TOM1: variants seen among roughly 807,000 people sequenced by gnomAD.
TOM1 encodes the protein target of myb1 membrane trafficking protein.
TOM1 carries 38 observed loss-of-function variants against 61.3 expected under a neutral mutation model. The observed-to-expected ratio is 0.62, with a 90% CI of 0.48 to 0.81. TOM1 has a LOEUF of 0.81. Among genes scored for constraint, TOM1 ranks in the 40% least tolerant of loss-of-function variants. The probability of loss-of-function intolerance (pLI) is 0.00; values close to 1 mark genes in which losing one functional copy is unlikely to be tolerated. For missense variants in TOM1, 591 were observed against 659.6 expected (o/e 0.90, Z 1.14); for synonymous variants, 270 against 268.8 (o/e 1.00, Z -0.04).
At chr22:35,308,843 C>T (rs755368477) in intron 1 of TOM1, among the ~76,000 whole-genome samples, 15 of 152,090 alleles carry the variant, frequency 9.9e-5, no homozygotes, top group Admixed American at 2.6e-4. Flanking sequence ...TTGTGGGTTG[C>T]GGAAGCAATA....
chr22:35,322,610 C>T (rs1170634225), intron 3 of TOM1: 2 of 193,864 alleles, frequency 1.0e-5, no homozygotes, highest in Non-Finnish European at 2.1e-5. Flanking sequence ...AAAGGCAATT[C>T]CTGCAGTGGG....
At chr22:35,308,658 C>G (rs1002279802) in intron 1 of TOM1, among the ~76,000 whole-genome samples, 6 of 152,122 alleles carry the variant, frequency 3.9e-5, no homozygotes, top group African/African-American at 1.4e-4. Flanking sequence ...TCAGCAATAC[C>G]TTTTACACTC....
chr22:35,344,760 T>C (rs1257512746), intron 12 of TOM1: 2 of 152,202 alleles, frequency 1.3e-5, no homozygotes, highest in African/African-American at 2.4e-5. Context: ...ATTAGTGCCA[T>C]TACTGATTAA....
intron 2 of TOM1, chr22:35,318,172 C>G (rs1927472551): frequency 1.7e-6 from 1 of 573,332 alleles, no homozygotes; most frequent in Non-Finnish European, 3.1e-6. Flanking sequence ...CTGGGGGCTG[C>G]CACCCCACCC....
At chr22:35,313,341 T>C (rs1927000863) in intron 1 of TOM1, among the ~76,000 whole-genome samples, 1 of 148,658 alleles carries the variant, frequency 6.7e-6, no homozygotes. Context: ...AACGAGACTG[T>C]CTCAAAAAAA....
chr22:35,314,456 C>T (rs1214328335), intron 1 of TOM1, among the ~76,000 whole-genome samples: 2 of 152,006 alleles, frequency 1.3e-5, no homozygotes, highest in African/African-American at 2.4e-5. Flanking sequence ...GGGGTGGGGG[C>T]GGGGGGTCCT....
At chr22:35,326,703 G>C (rs1424540420) in intron 6 of TOM1, among the ~76,000 whole-genome samples, 1 of 152,050 alleles carries the variant, frequency 6.6e-6, no homozygotes, top group Non-Finnish European at 1.5e-5. Flanking sequence ...CGGAATCCCA[G>C]TCCTCTAGGA....
At chr22:35,305,715 G>A (rs1041390802) in intron 1 of TOM1, among the ~76,000 whole-genome samples, 1 of 151,998 alleles carries the variant, frequency 6.6e-6, no homozygotes, top group Non-Finnish European at 1.5e-5. Context: ...TGAATGTGCA[G>A]GGCTCCAAGG....
chr22:35,340,984 C>T (rs1569039398), intron 12 of TOM1, among the ~76,000 whole-genome samples: 2 of 152,144 alleles, frequency 1.3e-5, no homozygotes, highest in Non-Finnish European at 1.5e-5. Context: ...AATCCAGTAC[C>T]TCCCATGTGT....
rs1930619167 is a variant in TOM1 at position 35,347,571 on chromosome 22, G to A, written c.*362G>A. The A allele has an allele frequency of 5.7e-6, 1 of 174,924 alleles. No individual in the cohort carries two copies. The highest frequency in any genetic ancestry group is 1.2e-5 in the Non-Finnish European group (1 of 83,186). 10.8% of individuals were successfully genotyped at this position (174,924 alleles called of 1,614,324 possible). On this transcript the variant is annotated 3_prime_UTR_variant, in exon 15 of 15. Coordinates refer to ENST00000449058, the MANE Select transcript of TOM1 (RefSeq NM_005488.3). ...CCCTGCTCCGGGCCCATGCCCCAAG[G>A]AGCCCTTCAGAGCCCACACTGCCAG...
At chr22:35,328,253 G>A (rs1928512006) in intron 7 of TOM1, among the ~76,000 whole-genome samples, 1 of 152,152 alleles carries the variant, frequency 6.6e-6, no homozygotes, top group Non-Finnish European at 1.5e-5. Flanking sequence ...AACCCAGTAA[G>A]GGCTCCGAAA....
chr22:35,300,090 T>G (rs1034874535), intron 1 of TOM1, 110 bp downstream of exon 1: 2 of 1,229,286 alleles, frequency 1.6e-6, no homozygotes, highest in African/African-American at 3.0e-5. Flanking sequence ...GCAAGGAGGC[T>G]GGCGTGTAGC....
intron 1 of TOM1, among the ~76,000 whole-genome samples, chr22:35,308,375 C>G (rs1926530271): frequency 6.6e-6 from 1 of 151,634 alleles, no homozygotes; most frequent in Non-Finnish European, 1.5e-5. Flanking sequence ...CCTCCACCTC[C>G]CAGGTTTAAG....
chr22:35,301,195 CCA>C (rs1925743436), intron 1 of TOM1, among the ~76,000 whole-genome samples: 1 of 152,126 alleles, frequency 6.6e-6, no homozygotes, highest in Non-Finnish European at 1.5e-5. Flanking sequence ...CCACTGTACT[CCA>C]GCCTGGACGA....
At chr22:35,342,963 ACAC>A (rs141356796) in intron 12 of TOM1, among the ~76,000 whole-genome samples, 53,322 of 112,506 alleles carry the variant, frequency 0.47, 12,665 homozygotes, top group African/African-American at 0.61. Flanking sequence ...ACCCCTACAC[ACAC>A]CACACCTACA....
rs1019911941 is a variant in TOM1 at position 35,330,616 on chromosome 22, C to G, written c.899+136C>G. On this transcript the variant is annotated intron_variant, in intron 8 of 14. Coordinates refer to ENST00000449058, the MANE Select transcript of TOM1 (RefSeq NM_005488.3). ...CAAACACAAGGCAGGCTCCTAAGGG[C>G]CTGTGCCCTCAGCTGTCTTCTTCCA... The G allele has an allele frequency of 5.7e-6, 5 of 879,896 alleles. No homozygotes were observed. In the South Asian group the frequency reaches 8.7e-5, roughly 15 times the overall value. 54.5% of individuals were successfully genotyped at this position (879,896 alleles called of 1,614,324 possible).
chr22:35,318,214 C>T lies in TOM1; in HGVS notation c.137+253C>T, dbSNP rs57098663. ...TCTTAGTGGCAGCCCAGATTCCACA[C>T]GGATCTGGAAGCCCAGCCTTGTGTG... On this transcript the variant is annotated intron_variant, in intron 2 of 14. Coordinates refer to ENST00000449058, the MANE Select transcript of TOM1 (RefSeq NM_005488.3). 1,997 of 559,962 alleles carry T rather than the reference C, an allele frequency of 3.6e-3. 25 individuals are homozygous for T. The highest frequency in any genetic ancestry group is 0.031 in the African/African-American group (1,681 of 53,366). The allele number at this position is 559,962 out of a possible 1,614,324, so 34.7% of individuals were successfully genotyped here. A position where few individuals can be genotyped will look rare whatever the true frequency, so the allele number is the denominator to read the frequency against.
At chr22:35,324,805 C>T (rs1320755005) in intron 6 of TOM1, among the ~76,000 whole-genome samples, 3 of 152,376 alleles carry the variant, frequency 2.0e-5, no homozygotes, top group East Asian at 1.9e-4. Context: ...TCGTCTTGGC[C>T]TCCTAAAGTG....
chr22:35,344,189 T>A (rs1930303203), intron 12 of TOM1: 1 of 152,226 alleles, frequency 6.6e-6, no homozygotes, highest in South Asian at 2.1e-4. Flanking sequence ...AGCGTGACTC[T>A]CTCTCACCCA....
Sources: allele counts gnomAD v4.1 joint callset (sites outside exome capture counted in the v4.1 genomes callset), GRCh38; gene constraint gnomAD v4.1.1; transcripts MANE v1.5; gene names NCBI Gene and HGNC (gene_info 2026-07-23, HGNC 2026-07-21).